The following POU2F1 variants were observed in gnomAD, a reference collection of about 807,000 sequenced individuals.
POU2F1 encodes the protein POU domain, class 2, transcription factor 1.
Under a neutral mutation model 84.9 loss-of-function variants are expected in POU2F1, and 16 were observed. The observed-to-expected ratio is 0.19, with a 90% CI of 0.13 to 0.29. The LOEUF is 0.29. Ranked by LOEUF, POU2F1 falls within the 10% of genes least tolerant of loss-of-function variation. POU2F1 has a pLI of 1.00. For missense variants in POU2F1, 738 were observed against 942.6 expected (o/e 0.78, Z 2.84); for synonymous variants, 368 against 368.3 (o/e 1.00, Z 0.01).
At chr1:167,259,044 C>T (rs916692924) in intron 1 of POU2F1, among the ~76,000 whole-genome samples, 3 of 152,196 alleles carry the variant, frequency 2.0e-5, no homozygotes, top group Admixed American at 6.5e-5. Context: ...TTCTGCTGAT[C>T]TTAACCAGGC....
At chr1:167,370,274 G>T in intron 4 of POU2F1, 60 bp downstream of exon 4, 4 of 1,385,898 alleles carry the variant, frequency 2.9e-6, no homozygotes, top group Non-Finnish European at 3.0e-6. Context: ...ATATTTTTCT[G>T]TAGTGAGCAT....
At chr1:167,292,103 G>C (rs183109834) in intron 1 of POU2F1, among the ~76,000 whole-genome samples, 1 of 152,026 alleles carries the variant, frequency 6.6e-6, no homozygotes, top group South Asian at 2.1e-4. Context: ...TGTGTGAGGC[G>C]GGGGAAGAGC....
intron 6 of POU2F1, among the ~76,000 whole-genome samples, chr1:167,374,573 G>T (rs1224956589): frequency 6.6e-6 from 1 of 152,176 alleles, no homozygotes; most frequent in African/African-American, 2.4e-5. Flanking sequence ...TATTTTTGAA[G>T]CAGGGGATTA....
chr1:167,344,731 A>G (rs769634462), intron 2 of POU2F1, among the ~76,000 whole-genome samples: 9 of 152,176 alleles, frequency 5.9e-5, no homozygotes, highest in Non-Finnish European at 1.2e-4. Flanking sequence ...TTAGCTATCT[A>G]TTAGGAGGAA....
chr1:167,268,858 CTGT>C (rs751203800), intron 1 of POU2F1, among the ~76,000 whole-genome samples: 5 of 152,294 alleles, frequency 3.3e-5, no homozygotes, highest in South Asian at 2.1e-4. Context: ...AGAGATTTTA[CTGT>C]TGTTGTTCTC....
At chr1:167,252,093 C>A (rs1446903042) in intron 1 of POU2F1, among the ~76,000 whole-genome samples, 1 of 151,838 alleles carries the variant, frequency 6.6e-6, no homozygotes, top group Non-Finnish European at 1.5e-5. Flanking sequence ...AATGCCTGAC[C>A]TCAAGTAATC....
chr1:167,357,864 C>T lies in POU2F1; in HGVS notation c.128-7603C>T, dbSNP rs940878922. Among the ~76,000 whole-genome samples the T allele has an allele frequency of 1.9e-4, 26 of 134,690 alleles. No individual in the cohort carries two copies. The South Asian group carries it at 2.1e-3, about 11-fold the overall frequency. 88.4% of individuals were successfully genotyped at this position (134,690 alleles called of 152,430 possible). On this transcript the variant is annotated intron_variant, in intron 2 of 15. Transcript: ENST00000367866. ...CTGTCTTCAGGCTGGAGTGCAATGGCGCTATCTCGGCTCATTGCAACCTCC... is the reference window on the plus strand; with the variant it reads ...CTGTCTTCAGGCTGGAGTGCAATGGTGCTATCTCGGCTCATTGCAACCTCC...
At chr1:167,338,666 A>G (rs1220439352) in intron 2 of POU2F1, among the ~76,000 whole-genome samples, 2 of 152,212 alleles carry the variant, frequency 1.3e-5, no homozygotes, top group Non-Finnish European at 2.9e-5. Context: ...GAAAGATGGT[A>G]TTTCCCCATT....
intron 1 of POU2F1, among the ~76,000 whole-genome samples, chr1:167,236,325 A>C (rs561729628): frequency 1.5e-4 from 23 of 151,646 alleles, no homozygotes; most frequent in Middle Eastern, 6.8e-3. Context: ...CAGGTGTTGA[A>C]CTCCTGACCT....
chr1:167,317,734 C>T (rs545101236), intron 1 of POU2F1, among the ~76,000 whole-genome samples: 89 of 152,322 alleles, frequency 5.8e-4, no homozygotes, highest in African/African-American at 2.0e-3. Flanking sequence ...AACCAACAAC[C>T]TTCAGCATTG....
At chr1:167,346,459 C>T (rs906215504) in intron 2 of POU2F1, among the ~76,000 whole-genome samples, 1 of 152,174 alleles carries the variant, frequency 6.6e-6, no homozygotes, top group African/African-American at 2.4e-5. Context: ...TCAGCAGCCC[C>T]CAACCTTTTT....
At chr1:167,240,471 C>G (rs1015048912) in intron 1 of POU2F1, among the ~76,000 whole-genome samples, 7 of 152,040 alleles carry the variant, frequency 4.6e-5, no homozygotes, top group South Asian at 4.1e-4. Flanking sequence ...AATTTTACTA[C>G]TTTAAAGGTG....
intron 1 of POU2F1, among the ~76,000 whole-genome samples, chr1:167,234,591 A>G (rs1385832353): frequency 6.6e-6 from 1 of 152,138 alleles, no homozygotes; most frequent in Admixed American, 6.5e-5. Flanking sequence ...AATAATAGCC[A>G]AGCATGTTGG....
chr1:167,281,665 G>C (rs1047634781), intron 1 of POU2F1, among the ~76,000 whole-genome samples: 5 of 152,194 alleles, frequency 3.3e-5, no homozygotes, highest in African/African-American at 1.2e-4. Context: ...TCGGTGATTG[G>C]CGTAGGTGTA....
At chr1:167,328,147 C>T (rs1335876697) in intron 1 of POU2F1, among the ~76,000 whole-genome samples, 1 of 152,048 alleles carries the variant, frequency 6.6e-6, no homozygotes, top group Non-Finnish European at 1.5e-5. Context: ...CATGGCCCAC[C>T]CTTTGACAAT....
chr1:167,247,034 ATATATGTGTG>A (rs1650370099), intron 1 of POU2F1, among the ~76,000 whole-genome samples: 2 of 37,460 alleles, frequency 5.3e-5, no homozygotes, highest in Admixed American at 5.1e-4. Context: ...CAGGTTATAT[ATATATGTGTG>A]TGTGTGTGTG....
intron 1 of POU2F1, among the ~76,000 whole-genome samples, chr1:167,310,236 G>GA (rs1176876264): frequency 6.6e-6 from 1 of 151,940 alleles, no homozygotes; most frequent in Non-Finnish European, 1.5e-5. Context: ...TAAAAACCAG[G>GA]AAAGGGGGGA....
At chr1:167,371,074 G>C (rs138929927) in intron 4 of POU2F1, among the ~76,000 whole-genome samples, 4 of 152,282 alleles carry the variant, frequency 2.6e-5, no homozygotes, top group African/African-American at 9.6e-5. Context: ...TATGGACCTA[G>C]TAACACGTAG....
intron 2 of POU2F1, among the ~76,000 whole-genome samples, chr1:167,336,721 T>C (rs1657479375): frequency 6.6e-6 from 1 of 152,198 alleles, no homozygotes; most frequent in Non-Finnish European, 1.5e-5. Flanking sequence ...TTTTGCTAAA[T>C]ACCTTTTTAT....
Sources: allele counts gnomAD v4.1 joint callset (sites outside exome capture counted in the v4.1 genomes callset), GRCh38; gene constraint gnomAD v4.1.1; transcripts MANE v1.5; gene names NCBI Gene and HGNC (gene_info 2026-07-23, HGNC 2026-07-21).